Variants in ZNF790 observed in about 807,000 individuals in gnomAD.
ZNF790 encodes the protein zinc finger protein 790.
Under a neutral mutation model 12.1 loss-of-function variants are expected in ZNF790, and 8 were observed. That is an observed-to-expected ratio of 0.66 (90% CI 0.39 to 1.19). ZNF790 has a LOEUF of 1.19. ZNF790 is among the 50% of genes most tolerant of loss of function. The probability of loss-of-function intolerance (pLI) is 0.01; values close to 1 mark genes in which losing one functional copy is unlikely to be tolerated. For missense variants in ZNF790, 707 were observed against 752.2 expected, an observed-to-expected ratio of 0.94 and a Z score of 0.70; for synonymous variants, 252 against 244.3, an observed-to-expected ratio of 1.03 and a Z score of -0.29.
In ZNF790 at chr19:36,830,955, T is replaced by C. The variant is rs1054029281; in HGVS notation, c.-73-5263A>G. On this transcript the variant is annotated intron_variant, in intron 1 of 4. Transcript: ENST00000356725. ...GAGATCGAGACCATCCTGGCTAACA[T>C]GGTGAAACCCTGTCTCTACTAAAAA... Among the ~76,000 whole-genome samples, 5 of 152,232 alleles carry C rather than the reference T, an allele frequency of 3.3e-5. 1 individual carries two copies. The highest frequency in any genetic ancestry group is 3.4e-3 in the Middle Eastern group (1 of 294).
At chr19:36,834,453 C>T (rs1220406042) in intron 1 of ZNF790, among the ~76,000 whole-genome samples, 1 of 152,126 alleles carries the variant, frequency 6.6e-6, no homozygotes, top group Non-Finnish European at 1.5e-5. Flanking sequence ...ATGGACAATG[C>T]ACATTAAAAC....
chr19:36,832,042 A>T (rs2146063847), intron 1 of ZNF790, among the ~76,000 whole-genome samples: 1 of 152,330 alleles, frequency 6.6e-6, no homozygotes, highest in Middle Eastern at 3.4e-3. Flanking sequence ...AAAACAAATG[A>T]GGGAGTCAAA....
chr19:36,834,014 G>C (rs779453033), intron 1 of ZNF790, among the ~76,000 whole-genome samples: 2 of 151,976 alleles, frequency 1.3e-5, no homozygotes, highest in Admixed American at 6.6e-5. Flanking sequence ...AGGCTGAGGC[G>C]GGTGGATCAT....
chr19:36,826,648 A>C (rs974434777), intron 1 of ZNF790, among the ~76,000 whole-genome samples: 28 of 147,648 alleles, frequency 1.9e-4, no homozygotes, highest in African/African-American at 2.0e-4. Context: ...TAAAAATTAT[A>C]TATATATATG....
chr19:36,832,561 G>C (rs1316133032), intron 1 of ZNF790, among the ~76,000 whole-genome samples: 1 of 152,054 alleles, frequency 6.6e-6, no homozygotes, highest in Non-Finnish European at 1.5e-5. Flanking sequence ...AGCCATGTGA[G>C]AGCCACGTTG....
At chr19:36,848,063 AG>A (rs1185955766) in intron 1 of ZNF790, among the ~76,000 whole-genome samples, 1 of 152,222 alleles carries the variant, frequency 6.6e-6, no homozygotes, top group Non-Finnish European at 1.5e-5. Context: ...TTTGCTTCTC[AG>A]GTATTTTGCT....
Position 36,819,200 on chromosome 19 carries a change from C to G in ZNF790, c.1144G>C (p.Ala382Pro), listed in dbSNP as rs767250605. Residue 382 changes from alanine (A) to proline (P), a missense_variant, in exon 5 of 5, where the codon GCT becomes CCT. Coordinates refer to ENST00000356725, the MANE Select transcript of ZNF790 (RefSeq NM_206894.4). ...GKAFIRGSNLAQHQNVHVGRK... is the reference protein window; with the variant it reads ...GKAFIRGSNLPQHQNVHVGRK... ...CCAACATGAACATTCTGATGTTGAGCAAGATTTGAACCACGAATAAAGGCT... is the reference window on the plus strand; with the variant it reads ...CCAACATGAACATTCTGATGTTGAGGAAGATTTGAACCACGAATAAAGGCT... 8.7e-6 allele frequency: 14 copies of G among 1,613,628 alleles called. No individual in the cohort carries two copies. In the South Asian group the frequency reaches 1.3e-4, roughly 15 times the overall value.
At chr19:36,833,931 C>T (rs890005106) in intron 1 of ZNF790, among the ~76,000 whole-genome samples, 2 of 151,990 alleles carry the variant, frequency 1.3e-5, no homozygotes, top group Admixed American at 6.6e-5. Context: ...TTTTAAAAAG[C>T]AATTTTTGTT....
chr19:36,825,550 A>C lies in ZNF790; in HGVS notation c.9+61T>G, dbSNP rs1173610121. On this transcript the variant is annotated intron_variant, in intron 2 of 4. Coordinates refer to ENST00000356725, the MANE Select transcript of ZNF790 (RefSeq NM_206894.4). The stretch of plus-strand genomic sequence containing the variant: ...AAGCAGTTTAAGGATAAGCAATAAA[A>C]ATATTCACATGATTTGATATAAATG... The C allele has an allele frequency of 1.9e-6, 3 of 1,544,936 alleles. No individual in the cohort carries two copies. The African/African-American group carries it at 4.1e-5, about 21-fold the overall frequency.
chr19:36,831,332 C>T (rs1163650951), intron 1 of ZNF790, among the ~76,000 whole-genome samples: 5 of 146,546 alleles, frequency 3.4e-5, no homozygotes, highest in African/African-American at 1.2e-4. Flanking sequence ...TATACGATCT[C>T]AGGAGAGAGA....
chr19:36,827,143 T>TAC (rs2071837545), intron 1 of ZNF790, among the ~76,000 whole-genome samples: 2 of 47,098 alleles, frequency 4.2e-5, no homozygotes, highest in Non-Finnish European at 7.3e-5. Flanking sequence ...CACACACACA[T>TAC]ATATATATAT....
upstream of ZNF790, among the ~76,000 whole-genome samples, chr19:36,839,631 A>G (rs2072111471): frequency 6.6e-6 from 1 of 152,108 alleles, no homozygotes; most frequent in African/African-American, 2.4e-5. Flanking sequence ...GGCTCAAGTG[A>G]TCCTCCCAAG....
chr19:36,840,403 C>G (rs1361577451), upstream of ZNF790, among the ~76,000 whole-genome samples: 5 of 152,096 alleles, frequency 3.3e-5, no homozygotes, highest in Non-Finnish European at 7.3e-5. Context: ...GGGTTCTTTC[C>G]CAGTAAATTT....
intron 4 of ZNF790, among the ~76,000 whole-genome samples, chr19:36,822,536 GTTTGT>G (rs1401278982): frequency 7.8e-6 from 1 of 128,876 alleles, no homozygotes; most frequent in Non-Finnish European, 1.7e-5. Context: ...TTGTTTGTTT[GTTTGT>G]TTTGTTTTGT....
intron 3 of ZNF790, 69 bp downstream of exon 3, chr19:36,823,598 A>G (rs2071724730): frequency 3.8e-6 from 6 of 1,570,616 alleles, no homozygotes; most frequent in Non-Finnish European, 2.6e-6. Flanking sequence ...TACCCTGGAC[A>G]TTTAAAAGAC....
rs2071594985 is a variant in ZNF790, at chr19:36,818,673, A to C, written c.1671T>G (p.Thr557=). Residue 557 remains threonine, a synonymous_variant, in exon 5 of 5, where the codon ACT becomes ACG. Transcript: ENST00000356725. The part of the protein sequence containing the change: ...SQLTRHKKIH[T]DAEPYGCKKS... ...TCTTGCATCCATAAGGTTCTGCATC[A>C]GTATGAATTTTCTTATGTCGTGTAA... The C allele has an allele frequency of 1.2e-6, 2 of 1,613,426 alleles. No individual in the cohort carries two copies. Among genetic ancestry groups the C allele is most frequent in the South Asian group, 2.2e-5 (2 of 90,988 alleles).
rs1265243821 is a variant in ZNF790 at position 36,825,662 on chromosome 19, C to A, written c.-43G>T. 6.2e-7 allele frequency: 1 copy of A among 1,612,198 alleles called. No homozygotes were observed. Among genetic ancestry groups the A allele is most frequent in the Non-Finnish European group, 8.5e-7 (1 of 1,178,360 alleles). ...CCACCAGTCCTTCTCTGGATTCTTT[C>A]TTGGTGAGGCAGCGTGCTGGGAAAG... On this transcript the variant is annotated 5_prime_UTR_variant, in exon 2 of 5. Coordinates refer to ENST00000356725, the MANE Select transcript of ZNF790 (RefSeq NM_206894.4).
At chr19:36,835,015 C>T (rs559990423) in intron 1 of ZNF790, among the ~76,000 whole-genome samples, 93 of 152,316 alleles carry the variant, frequency 6.1e-4, no homozygotes, top group Non-Finnish European at 1.2e-3. Flanking sequence ...TGGCTGTGCA[C>T]GGTGGCTCAC....
upstream of ZNF790, among the ~76,000 whole-genome samples, chr19:36,840,335 C>T (rs1355509819): frequency 1.3e-5 from 2 of 152,060 alleles, no homozygotes; most frequent in Non-Finnish European, 2.9e-5. Flanking sequence ...AAAAGAAAAT[C>T]AGTAAAGAAA....
Sources: gnomAD v4.1 joint callset for allele counts (sites outside exome capture counted in the v4.1 genomes callset) on GRCh38, gnomAD v4.1.1 for gene constraint, MANE v1.5 for transcripts, NCBI Gene and HGNC (gene_info 2026-07-23, HGNC 2026-07-21) for gene names.